Variants in LALBA observed in about 807,000 individuals in gnomAD.
LALBA encodes the protein lactalbumin alpha.
LALBA carries 12 observed loss-of-function variants against 13.4 expected under a neutral mutation model. That is an observed-to-expected ratio of 0.89 (90% CI 0.57 to 1.45). The LOEUF (loss-of-function observed/expected upper bound fraction) is 1.45. Among genes scored for constraint, LALBA ranks in the 40% most tolerant of loss-of-function variants. The probability of loss-of-function intolerance (pLI) is 0.00; values close to 1 mark genes in which losing one functional copy is unlikely to be tolerated. For missense variants in LALBA, 145 were observed against 165.9 expected, an observed-to-expected ratio of 0.87 and a Z score of 0.69; for synonymous variants, 64 against 61.0, an observed-to-expected ratio of 1.05 and a Z score of -0.23.
chr12:48,569,078 T>A lies in LALBA; in HGVS notation c.292+4A>T, dbSNP rs1938600750. ...AGAGAAAGAGGGTTATAGGGGCTAC[T>A]CACTGTCACAGGAGATGTCACAGAT... On this transcript the variant is annotated splice_donor_region_variant and intron_variant, in intron 2 of 3. Transcript: ENST00000301046. The A allele has an allele frequency of 6.2e-7, 1 of 1,607,124 alleles. No homozygotes were observed. Among genetic ancestry groups the A allele is most frequent in the African/African-American group, 1.3e-5 (1 of 74,572 alleles).
chr12:48,567,734 A>G lies in LALBA; in HGVS notation c.*223T>C. The G allele has an allele frequency of 4.0e-6, 2 of 503,200 alleles. No homozygotes were observed. The highest frequency in any genetic ancestry group is 3.5e-5 in the East Asian group (1 of 28,946). The allele number at this position is 503,200 out of a possible 1,614,324, so 31.2% of individuals were successfully genotyped here. On this transcript the variant is annotated 3_prime_UTR_variant, in exon 4 of 4. Coordinates refer to ENST00000301046, the MANE Select transcript of LALBA (RefSeq NM_002289.3). The stretch of plus-strand genomic sequence containing the variant: ...AAGACAGAGGTGAAATCTGTGCTGT[A>G]GTGAAAGTGCCATCGAAGGCACTGA...
In LALBA at chr12:48,570,032, C is replaced by A. The variant is rs750089094; in HGVS notation, c.-12G>T. On this transcript the variant is annotated 5_prime_UTR_variant, in exon 1 of 4. Coordinates refer to ENST00000301046, the MANE Select transcript of LALBA (RefSeq NM_002289.3). ...ACAAAGAACCTCATTTTGGCTACCC[C>A]CAAGAACCTGAAATGGAAGCATCAC... The A allele has an allele frequency of 6.2e-7, 1 of 1,613,576 alleles. No individual in the cohort carries two copies. The highest frequency in any genetic ancestry group is 8.5e-7 in the Non-Finnish European group (1 of 1,179,834).
chr12:48,568,146 A>G (rs919757274), intron 3 of LALBA, 129 bp from the exon 4 acceptor site: 21 of 742,152 alleles, frequency 2.8e-5, no homozygotes, highest in Non-Finnish European at 4.3e-5. Flanking sequence ...GTCAAGCGAC[A>G]CAAGCCATCA....
At position 48,567,815 on chromosome 12, in the gene LALBA, G is replaced by A. The variant is rs2137133051; in HGVS notation, c.*142C>T. The A allele has an allele frequency of 4.2e-6, 3 of 712,024 alleles. No homozygotes were observed. In the East Asian group the frequency reaches 8.3e-5, roughly 20 times the overall value. 44.1% of individuals were successfully genotyped at this position (712,024 alleles called of 1,614,324 possible). A position where few individuals can be genotyped will look rare whatever the true frequency, so the allele number is the denominator to read the frequency against. On this transcript the variant is annotated 3_prime_UTR_variant, in exon 4 of 4. Transcript: ENST00000301046. Reference sequence around the variant, plus strand: ...GGCATCCCTGGAAAATAGTCTTCAAGAATTCGGTGATGTCACTACAGGGCC... The same window carrying A: ...GGCATCCCTGGAAAATAGTCTTCAAAAATTCGGTGATGTCACTACAGGGCC...
chr12:48,569,851 A>T (rs1300061380), intron 1 of LALBA, 37 bp downstream of exon 1: 1 of 1,607,824 alleles, frequency 6.2e-7, no homozygotes, highest in Non-Finnish European at 8.5e-7. Context: ...AGAGAAGCGT[A>T]TGAGGAATGG....
rs2232565 is a variant in LALBA, at chr12:48,569,238, T to C, written c.136A>G (p.Ile46Val). ...GYGGIALPEL[I>V]CTMFHTSGYD... ...CCACTGGTGTGAAACATGGTACAGATCACTGAGGGAAAGATGAGAAAGAGA... is the reference window on the plus strand; with the variant it reads ...CCACTGGTGTGAAACATGGTACAGACCACTGAGGGAAAGATGAGAAAGAGA... The change falls in exon 2 of 4, where the codon ATC becomes GTC. Residue 46 changes from isoleucine (I) to valine (V), a missense_variant and splice_region_variant. By Grantham distance (29) the Ile-to-Val change is conservative. Coordinates refer to ENST00000301046, the MANE Select transcript of LALBA (RefSeq NM_002289.3). 80,280 of 1,610,006 alleles carry C rather than the reference T, an allele frequency of 0.05. 2,531 individuals carry two copies. The highest frequency in any genetic ancestry group is 0.11 in the South Asian group (10,396 of 90,650).
Position 48,567,908 on chromosome 12 carries a change from G to A in LALBA, c.*49C>T. 2.8e-6 allele frequency: 4 copies of A among 1,437,434 alleles called. No homozygotes were observed. Among genetic ancestry groups the A allele is most frequent in the Non-Finnish European group, 3.9e-6 (4 of 1,031,952 alleles). 89.0% of individuals were successfully genotyped at this position (1,437,434 alleles called of 1,614,324 possible). ...CAAACTGAGGTGGCATTAGGGAAGA[G>A]GTATTCCAGGAGTGTGGAGTGGGCA... On this transcript the variant is annotated 3_prime_UTR_variant, in exon 4 of 4. Coordinates refer to ENST00000301046, the MANE Select transcript of LALBA (RefSeq NM_002289.3).
At chr12:48,571,297 T>A (rs1048692711), upstream of LALBA, among the ~76,000 whole-genome samples, 1 of 151,878 alleles carries the variant, frequency 6.6e-6, no homozygotes, top group Non-Finnish European at 1.5e-5. Context: ...TGAAGCTTCA[T>A]GTCATGGTGA....
At chr12:48,571,242 G>C (rs1006530993), upstream of LALBA, among the ~76,000 whole-genome samples, 1 of 152,152 alleles carries the variant, frequency 6.6e-6, no homozygotes, top group Non-Finnish European at 1.5e-5. Flanking sequence ...TGAGCAAGTA[G>C]AGTTGAGGAT....
intron 1 of LALBA, among the ~76,000 whole-genome samples, 193 bp from the exon 2 acceptor site, chr12:48,569,433 GC>G (rs1018674294): frequency 6.6e-6 from 1 of 152,176 alleles, no homozygotes; most frequent in Non-Finnish European, 1.5e-5. Flanking sequence ...AATAAATGGG[GC>G]CAGGCATGAT....
rs1938584637 is a variant in LALBA, at chr12:48,567,719, T to A, written c.*238A>T. The A allele has an allele frequency of 2.2e-6, 1 of 446,706 alleles. No individual in the cohort carries two copies. The highest frequency in any genetic ancestry group is 4.1e-6 in the Non-Finnish European group (1 of 245,008). The allele number at this position is 446,706 out of a possible 1,614,324, so 27.7% of individuals were successfully genotyped here. A position where few individuals can be genotyped will look rare whatever the true frequency, so the allele number is the denominator to read the frequency against. The stretch of plus-strand genomic sequence containing the variant: ...GTGGGACCTTTATTCAAGACAGAGG[T>A]GAAATCTGTGCTGTAGTGAAAGTGC... On this transcript the variant is annotated 3_prime_UTR_variant, in exon 4 of 4. Coordinates refer to ENST00000301046, the MANE Select transcript of LALBA (RefSeq NM_002289.3).
In LALBA at chr12:48,567,800, G is replaced by A. The variant is rs1212706525; in HGVS notation, c.*157C>T. 9.0e-6 allele frequency: 6 copies of A among 664,220 alleles called. No individual in the cohort carries two copies. The Admixed American group carries it at 1.4e-4, about 16-fold the overall frequency. 41.1% of individuals were successfully genotyped at this position (664,220 alleles called of 1,614,324 possible). ...TCAGTGCACCACTCAGGCATCCCTG[G>A]AAAATAGTCTTCAAGAATTCGGTGA... is the stretch of plus-strand genomic sequence containing the variant. On this transcript the variant is annotated 3_prime_UTR_variant, in exon 4 of 4. Coordinates refer to ENST00000301046, the MANE Select transcript of LALBA (RefSeq NM_002289.3).
At chr12:48,570,231 A>G (rs1194934411), upstream of LALBA, among the ~76,000 whole-genome samples, 1 of 152,126 alleles carries the variant, frequency 6.6e-6, no homozygotes, top group African/African-American at 2.4e-5. Flanking sequence ...TATCTAGTCC[A>G]TAGCAGGTAT....
rs1938612309 is a variant in LALBA, at chr12:48,569,875, G to T, written c.133+13C>A. 1 of 1,613,330 alleles carries T rather than the reference G, an allele frequency of 6.2e-7. No individual in the cohort carries two copies. Among genetic ancestry groups the T allele is most frequent in the East Asian group, 2.2e-5 (1 of 44,848 alleles). ...TATGAGGAATGGATGAAACACAGAG[G>T]CAGGGAACTCACATTCAGGCAAAGC... On this transcript the variant is annotated intron_variant, in intron 1 of 3. Coordinates refer to ENST00000301046, the MANE Select transcript of LALBA (RefSeq NM_002289.3).
chr12:48,569,025 T>G lies in LALBA; in HGVS notation c.292+57A>C, dbSNP rs1048531484. ...GGTCTGCTTGGCACTAAAAAGGAGA[T>G]TATCCCAAGGGCAGGCCTCAGAAAA... On this transcript the variant is annotated intron_variant, in intron 2 of 3. Coordinates refer to ENST00000301046, the MANE Select transcript of LALBA (RefSeq NM_002289.3). The G allele has an allele frequency of 4.8e-6, 7 of 1,458,506 alleles. No individual in the cohort carries two copies. The Admixed American group carries it at 1.6e-4, about 34-fold the overall frequency. 90.3% of individuals were successfully genotyped at this position (1,458,506 alleles called of 1,614,324 possible). A position where few individuals can be genotyped will look rare whatever the true frequency, so the allele number is the denominator to read the frequency against.
chr12:48,568,142 C>A, intron 3 of LALBA, 125 bp from the exon 4 acceptor site: 5 of 748,612 alleles, frequency 6.7e-6, no homozygotes, highest in South Asian at 3.2e-5. Flanking sequence ...TGATGTCAAG[C>A]GACACAAGCC....
upstream of LALBA, among the ~76,000 whole-genome samples, chr12:48,570,644 T>G (rs1938621690): frequency 6.6e-6 from 1 of 152,172 alleles, no homozygotes; most frequent in Non-Finnish European, 1.5e-5. Flanking sequence ...AACTTGGATC[T>G]TAAGACTTCC....
chr12:48,568,214 C>T, intron 3 of LALBA, 197 bp from the exon 4 acceptor site: 1 of 622,318 alleles, frequency 1.6e-6, no homozygotes, highest in Non-Finnish European at 2.9e-6. Context: ...AAAAGAGATG[C>T]AATGTTACCA....
intron 1 of LALBA, among the ~76,000 whole-genome samples, chr12:48,569,668 A>G (rs1009434772): frequency 2.6e-4 from 39 of 152,156 alleles, no homozygotes; most frequent in Admixed American, 6.6e-4. Context: ...AGCCGAGATT[A>G]CACCATTGCA....
Sources: allele counts gnomAD v4.1 joint callset (sites outside exome capture counted in the v4.1 genomes callset), GRCh38; gene constraint gnomAD v4.1.1; transcripts MANE v1.5; gene names NCBI Gene and HGNC (gene_info 2026-07-23, HGNC 2026-07-21).